RIC1: variants seen among roughly 807,000 people sequenced by gnomAD.
RIC1 encodes the protein RIC1 partner of RAB6A GEF complex.
In RIC1, 88 loss-of-function variants were observed where a neutral mutation model predicts 169.0. The observed-to-expected ratio is 0.52, with a 90% CI of 0.44 to 0.62. RIC1 has a LOEUF of 0.62. Among genes scored for constraint, RIC1 ranks in the 20% least tolerant of loss-of-function variants. The pLI is 0.00. For missense variants in RIC1, 1,877 were observed against 1,725.5 expected, an observed-to-expected ratio of 1.09 and a Z score of -1.56; for synonymous variants, 790 against 601.5, an observed-to-expected ratio of 1.31 and a Z score of -4.59.
chr9:5,649,028 G>A (rs540826217), intron 1 of RIC1, among the ~76,000 whole-genome samples: 1 of 152,174 alleles, frequency 6.6e-6, no homozygotes, highest in Non-Finnish European at 1.5e-5. Flanking sequence ...TTAAAACTCT[G>A]GGAGGCTGAA....
At chr9:5,754,402 C>G (rs1356437923) in intron 14 of RIC1, among the ~76,000 whole-genome samples, 2 of 152,048 alleles carry the variant, frequency 1.3e-5, no homozygotes, top group African/African-American at 4.8e-5. Context: ...CTAGAGTTAT[C>G]ATTGGAGAGA....
Position 5,763,438 on chromosome 9 carries a change from G to A in RIC1, c.2411G>A (p.Arg804Gln), listed in dbSNP as rs772254596. The change falls in exon 19 of 26, where the codon CGG becomes CAG. Residue 804 changes from arginine to glutamine, a missense_variant. Physicochemically the swap from Arg to Gln is conservative, Grantham distance 43. Transcript: ENST00000414202. This position sits in a 1 kb window ranked among gnomAD's most constrained non-coding sequence, Gnocchi z 5.2. ...DTLLYDSLYT[R>Q]NNAREQLEVL... ...TTGCTCTATGATTCTTTATATACTC[G>A]GAACAATGCTAGAGAACAGCTGGAG... is the stretch of plus-strand genomic sequence containing the variant. 9 of 1,613,960 alleles carry A rather than the reference G, an allele frequency of 5.6e-6. No individual in the cohort carries two copies. The highest frequency in any genetic ancestry group is 2.2e-5 in the South Asian group (2 of 91,080).
Position 5,727,712 on chromosome 9 carries a change from T to C in RIC1, c.721-4676T>C, listed in dbSNP as rs563049560. On this transcript the variant is annotated intron_variant, in intron 6 of 25. Coordinates refer to ENST00000414202, the MANE Select transcript of RIC1 (RefSeq NM_020829.4). The stretch of plus-strand genomic sequence containing the variant: ...GTCTTTGATGATGCTGACATACATA[T>C]GGGGTTTTGGTGTGGATGTCCTTTC... 2.0e-5 allele frequency among the ~76,000 whole-genome samples: 3 copies of C among 152,350 alleles called. No homozygotes were observed. In the South Asian group the frequency reaches 6.2e-4, roughly 32 times the overall value.
In RIC1 at chr9:5,774,131, T is replaced by TC; in HGVS notation, c.4162dup (p.Gln1388ProfsTer3). ...AGGGGCTCCTCCAGCCATGGAAGCA[T>TC]CCCCCAGGGTGAAGTTGGAAGCAGC... On this transcript the variant is annotated frameshift_variant, in exon 26 of 26. Coordinates refer to ENST00000414202, the MANE Select transcript of RIC1 (RefSeq NM_020829.4). LOFTEE classifies it high-confidence loss of function. 6.2e-7 allele frequency: 1 copy of TC among 1,613,802 alleles called. No homozygotes were observed. Among genetic ancestry groups the TC allele is most frequent in the Non-Finnish European group, 8.5e-7 (1 of 1,179,936 alleles).
chr9:5,697,673 T>G (rs1375968064), intron 3 of RIC1, among the ~76,000 whole-genome samples: 1 of 152,298 alleles, frequency 6.6e-6, no homozygotes, highest in East Asian at 1.9e-4. Context: ...TCTGAGCCTT[T>G]CCAGAATTAT....
chr9:5,657,521 T>C (rs553457226), intron 2 of RIC1, among the ~76,000 whole-genome samples: 42 of 152,204 alleles, frequency 2.8e-4, no homozygotes, highest in African/African-American at 8.2e-4. Context: ...AAATTGAGGA[T>C]CTGAAAAATT....
chr9:5,731,829 C>G (rs1289873772), intron 6 of RIC1, among the ~76,000 whole-genome samples: 1 of 152,094 alleles, frequency 6.6e-6, no homozygotes, highest in Non-Finnish European at 1.5e-5. Context: ...TAAAAAAGAT[C>G]AAATACTTAT....
chr9:5,645,985 T>C (rs1486475350), intron 1 of RIC1, among the ~76,000 whole-genome samples: 1 of 151,948 alleles, frequency 6.6e-6, no homozygotes, highest in Non-Finnish European at 1.5e-5. Flanking sequence ...CTTTTTTTTT[T>C]AATGTTAAGA....
intron 7 of RIC1, among the ~76,000 whole-genome samples, chr9:5,736,886 TTTAG>T (rs1239228667): frequency 6.6e-6 from 1 of 152,058 alleles, no homozygotes. Flanking sequence ...TTGCAGGTCT[TTTAG>T]TTAGTCCCAG....
In RIC1 at chr9:5,640,994, G is replaced by A. The variant is rs139650995; in HGVS notation, c.144+11541G>A. Among the ~76,000 whole-genome samples, 1,363 of 151,470 alleles carry A rather than the reference G, an allele frequency of 9.0e-3. 15 individuals carry two copies. The highest frequency in any genetic ancestry group is 0.011 in the Non-Finnish European group (752 of 67,844). ...CAGAGATATTGGAGCTCTATTGTATGTTATTTGTTTCTTTTCTCTTGCCGT... is the reference window on the plus strand; with the variant it reads ...CAGAGATATTGGAGCTCTATTGTATATTATTTGTTTCTTTTCTCTTGCCGT... On this transcript the variant is annotated intron_variant, in intron 1 of 25. Coordinates refer to ENST00000414202, the MANE Select transcript of RIC1 (RefSeq NM_020829.4).
chr9:5,656,416 T>G (rs537953522), intron 1 of RIC1, among the ~76,000 whole-genome samples, 167 bp from the exon 2 acceptor site: 1 of 152,304 alleles, frequency 6.6e-6, no homozygotes, highest in African/African-American at 2.4e-5. Context: ...TAGGTCTTTG[T>G]TTTGGTTGAT....
At chr9:5,709,423 T>C (rs1277017534) in intron 3 of RIC1, among the ~76,000 whole-genome samples, 3 of 152,212 alleles carry the variant, frequency 2.0e-5, no homozygotes, top group Non-Finnish European at 4.4e-5. Flanking sequence ...TCAGCTCCCT[T>C]ACTTTCTTAG....
At chr9:5,714,272 A>T (rs1436676845) in intron 4 of RIC1, among the ~76,000 whole-genome samples, 1 of 152,208 alleles carries the variant, frequency 6.6e-6, no homozygotes, top group African/African-American at 2.4e-5. Flanking sequence ...TGATTGAGTG[A>T]TAACAGTCCA....
At chr9:5,721,101 G>A (rs902848167) in intron 6 of RIC1, among the ~76,000 whole-genome samples, 8 of 152,070 alleles carry the variant, frequency 5.3e-5, no homozygotes, top group African/African-American at 1.7e-4. Flanking sequence ...ACTGTTGAAA[G>A]TGACCATTTA....
intron 21 of RIC1, among the ~76,000 whole-genome samples, chr9:5,766,056 G>C (rs1826718559): frequency 6.6e-6 from 1 of 151,728 alleles, no homozygotes; most frequent in Non-Finnish European, 1.5e-5. Context: ...TAACAAACTT[G>C]TTTAAGACAG....
intron 6 of RIC1, among the ~76,000 whole-genome samples, chr9:5,730,411 A>T (rs1824295871): frequency 6.6e-6 from 1 of 152,202 alleles, no homozygotes; most frequent in Admixed American, 6.5e-5. Context: ...ATGCAACAAC[A>T]CAGATAGATC....
At chr9:5,666,947 G>A (rs1199413030) in intron 2 of RIC1, among the ~76,000 whole-genome samples, 1 of 152,094 alleles carries the variant, frequency 6.6e-6, no homozygotes, top group East Asian at 1.9e-4. Context: ...TACTGGTAAT[G>A]TTCTTTCTGA....
At chr9:5,727,329 C>T (rs912275529) in intron 6 of RIC1, among the ~76,000 whole-genome samples, 34 of 151,500 alleles carry the variant, frequency 2.2e-4, no homozygotes, top group African/African-American at 6.3e-4. Flanking sequence ...TCGATCAAAT[C>T]GGCTACTGAA....
Position 5,772,555 on chromosome 9 carries a change from C to G in RIC1, c.3617-9C>G. On this transcript the variant is annotated splice_polypyrimidine_tract_variant and intron_variant, in intron 23 of 25. Coordinates refer to ENST00000414202, the MANE Select transcript of RIC1 (RefSeq NM_020829.4). ...AAGTTGGTTGTAACTTTTGGCAATTCTTCATCAGGTGATGAATGCAGTATT... is the reference window on the plus strand; with the variant it reads ...AAGTTGGTTGTAACTTTTGGCAATTGTTCATCAGGTGATGAATGCAGTATT... The G allele has an allele frequency of 6.4e-7, 1 of 1,563,562 alleles. No homozygotes were observed. The highest frequency in any genetic ancestry group is 1.2e-5 in the South Asian group (1 of 82,786).
Sources: gnomAD v4.1 joint callset for allele counts (sites outside exome capture counted in the v4.1 genomes callset) on GRCh38, gnomAD v4.1.1 for gene constraint, Gnocchi (gnomAD v3.1) non-coding constraint, MANE v1.5 for transcripts, NCBI Gene and HGNC (gene_info 2026-07-23, HGNC 2026-07-21) for gene names.